LRSAM1: variants seen among roughly 807,000 people sequenced by gnomAD.
The protein encoded by LRSAM1 is leucine rich repeat and sterile alpha motif containing 1, also known as E3 ubiquitin-protein ligase LRSAM1.
Under a neutral mutation model 118.1 loss-of-function variants are expected in LRSAM1, and 96 were observed. That is an observed-to-expected ratio of 0.81 (90% CI 0.69 to 0.96). The LOEUF (loss-of-function observed/expected upper bound fraction) is 0.96, where lower values mean the gene tolerates loss of function less well. Among genes scored for constraint, LRSAM1 ranks in the 40% least tolerant of loss-of-function variants. The pLI is 0.00. For synonymous variants in LRSAM1, 322 were observed against 364.2 expected, an observed-to-expected ratio of 0.88 and a Z score of 1.32; for missense variants, 804 against 915.5, an observed-to-expected ratio of 0.88 and a Z score of 1.57.
intron 2 of LRSAM1, 85 bp from the exon 3 acceptor site, chr9:127,454,411 A>G (rs1217079665): frequency 2.0e-5 from 20 of 990,294 alleles, no homozygotes; most frequent in South Asian, 2.7e-5. Flanking sequence ...GACCAGCTGC[A>G]TGCTCTGTGT....
chr9:127,454,666 C>T (rs1834450058), intron 3 of LRSAM1, 67 bp downstream of exon 3: 15 of 1,489,504 alleles, frequency 1.0e-5, no homozygotes, highest in Admixed American at 9.1e-5. Context: ...AGTAGGCCTC[C>T]GCACTGCCCC....
intron 15 of LRSAM1, among the ~76,000 whole-genome samples, chr9:127,482,136 A>G (rs74310357): frequency 0.11 from 15,809 of 142,598 alleles, 1,363 homozygotes; most frequent in Admixed American, 0.28. Context: ...AATTTTTAGT[A>G]TATCTTTTTT....
intron 14 of LRSAM1, 94 bp from the exon 15 acceptor site, chr9:127,481,089 G>A: frequency 1.4e-6 from 2 of 1,389,496 alleles, no homozygotes; most frequent in African/African-American, 1.4e-5. Flanking sequence ...GGTGCCCCCA[G>A]CCCATTTCCT....
Position 127,488,498 on chromosome 9 carries a change from C to T in LRSAM1, c.1347+735C>T, listed in dbSNP as rs183591209. Among the ~76,000 whole-genome samples, 242 of 152,052 alleles carry T rather than the reference C, an allele frequency of 1.6e-3. 5 individuals carry two copies. The East Asian group carries it at 0.045, about 28-fold the overall frequency. Reference sequence around the variant, plus strand: ...GCTGGTCTCGAACTCCTGACCTCAGCTGATCCACCCACCTCGGCCTCCCAA... The same window carrying T: ...GCTGGTCTCGAACTCCTGACCTCAGTTGATCCACCCACCTCGGCCTCCCAA... On this transcript the variant is annotated intron_variant, in intron 18 of 25. Transcript: ENST00000300417.
At chr9:127,492,431 G>C (rs970361891) in intron 20 of LRSAM1, among the ~76,000 whole-genome samples, 1 of 152,232 alleles carries the variant, frequency 6.6e-6, no homozygotes, top group Non-Finnish European at 1.5e-5. Flanking sequence ...CCAGGCTCTG[G>C]TTTGCACGCA....
chr9:127,489,076 G>A (rs369183416), intron 18 of LRSAM1, among the ~76,000 whole-genome samples: 81 of 152,280 alleles, frequency 5.3e-4, no homozygotes, highest in African/African-American at 1.9e-3. Flanking sequence ...TTTCTCAGAG[G>A]AGGCATCTGC....
Position 127,491,282 on chromosome 9 carries a change from C to T in LRSAM1, c.1490C>T (p.Thr497Ile). ...GAGTTAAAGAGGAAGTCCCTGGACA[C>T]AGAGTCACTCCAGGTATGTAGGGCT... ...QLELKRKSLD[T>I]ESLQEMISEQ... Residue 497 changes from threonine to isoleucine, a missense_variant, in exon 20 of 26, where the codon ACA becomes ATA. Transcript: ENST00000300417. 1 of 1,613,496 alleles carries T rather than the reference C, an allele frequency of 6.2e-7. No individual in the cohort carries two copies. The highest frequency in any genetic ancestry group is 8.5e-7 in the Non-Finnish European group (1 of 1,179,702).
rs1834324050 is a variant in LRSAM1 at position 127,451,588 on chromosome 9, G to A, written c.-270G>A. The A allele has an allele frequency of 3.7e-6, 2 of 543,570 alleles. No homozygotes were observed. The highest frequency in any genetic ancestry group is 3.0e-5 in the East Asian group (1 of 33,700). 33.7% of individuals were successfully genotyped at this position (543,570 alleles called of 1,614,324 possible). On this transcript the variant is annotated 5_prime_UTR_variant, in exon 1 of 26. Transcript: ENST00000300417. ...CTGAAGCTAGAGATTCCGAAAGGGGGTTCGGGTAGTTCGCTCCGGAGAAGT... is the reference window on the plus strand; with the variant it reads ...CTGAAGCTAGAGATTCCGAAAGGGGATTCGGGTAGTTCGCTCCGGAGAAGT...
intron 10 of LRSAM1, among the ~76,000 whole-genome samples, chr9:127,468,758 G>C (rs947794283): frequency 7.2e-6 from 1 of 138,456 alleles, no homozygotes; most frequent in Admixed American, 7.7e-5. Flanking sequence ...GGAGGATCTC[G>C]AGCCCAGGAG....
chr9:127,496,160 G>A, intron 23 of LRSAM1, 65 bp downstream of exon 23: 1 of 1,593,072 alleles, frequency 6.3e-7, no homozygotes, highest in Middle Eastern at 1.8e-4. Context: ...CCAGCCGGGG[G>A]TTGATCTGCT....
chr9:127,491,088 A>G, intron 19 of LRSAM1, 127 bp from the exon 20 acceptor site: 2 of 803,628 alleles, frequency 2.5e-6, no homozygotes, highest in Non-Finnish European at 4.4e-6. Context: ...GGTTCCCCTC[A>G]TTCCAGAGCC....
chr9:127,489,602 G>A, intron 19 of LRSAM1, 84 bp downstream of exon 19: 1 of 1,459,416 alleles, frequency 6.9e-7, no homozygotes, highest in East Asian at 2.4e-5. Flanking sequence ...CGCAGCAGTT[G>A]AGGTTTGAAC....
At chr9:127,455,176 T>G in intron 4 of LRSAM1, 122 bp downstream of exon 4, 1 of 1,001,498 alleles carries the variant, frequency 1.0e-6, no homozygotes, top group South Asian at 1.3e-5. Context: ...AGTCACGAGA[T>G]GTTTCCTTAG....
At chr9:127,485,678 C>T in intron 16 of LRSAM1, 58 bp from the exon 17 acceptor site, 1 of 1,539,930 alleles carries the variant, frequency 6.5e-7, no homozygotes, top group Non-Finnish European at 9.0e-7. Context: ...TGCCTCCCTG[C>T]CCAGGTGCCC....
intron 14 of LRSAM1, 86 bp downstream of exon 14, chr9:127,480,064 C>T (rs1488140804): frequency 1.9e-6 from 3 of 1,575,772 alleles, no homozygotes; most frequent in Non-Finnish European, 1.7e-6. Flanking sequence ...TTCTCCCTCA[C>T]TGCCTCTGCC....
chr9:127,497,339 A>C lies in LRSAM1; in HGVS notation c.1912+5A>C, dbSNP rs2248822. ...ATGCAGCCAGGATCCAGCCAGGTAC[A>C]AGCACAGCTCCAGCCTCTTCCAGGC... On this transcript the variant is annotated splice_donor_5th_base_variant and intron_variant, in intron 24 of 25. Coordinates refer to ENST00000300417, the MANE Select transcript of LRSAM1 (RefSeq NM_001005373.4). 1,242,338 of 1,610,268 alleles carry C rather than the reference A, an allele frequency of 0.77. 481,161 individuals carry two copies. Among genetic ancestry groups the C allele is most frequent in the Admixed American group, 0.83 (49,759 of 60,004 alleles).
At position 127,495,988 on chromosome 9, in the gene LRSAM1, G is replaced by C. The variant is rs772648927; in HGVS notation, c.1723G>C (p.Val575Leu). 1.2e-6 allele frequency: 2 copies of C among 1,612,972 alleles called. No homozygotes were observed. Among genetic ancestry groups the C allele is most frequent in the Non-Finnish European group, 1.7e-6 (2 of 1,179,986 alleles). ...GGAAGAGGGGATGGAGCGCCAGCTG[G>C]TGGCCCTCCTGGAGGAGCTGTCGGC... ...LQEEGMERQL[V>L]ALLEELSAEH... The change falls in exon 23 of 26, where the codon GTG becomes CTG. Residue 575 changes from valine (V) to leucine (L), a missense_variant. Transcript: ENST00000300417.
intron 10 of LRSAM1, among the ~76,000 whole-genome samples, chr9:127,472,313 A>ATG (rs112788447): frequency 2.0e-5 from 3 of 148,710 alleles, no homozygotes; most frequent in Admixed American, 6.6e-5. Context: ...ATATATATAT[A>ATG]TGTGTGTGTA....
intron 10 of LRSAM1, among the ~76,000 whole-genome samples, chr9:127,469,896 A>C (rs1451309582): frequency 6.6e-6 from 1 of 151,672 alleles, no homozygotes; most frequent in Non-Finnish European, 1.5e-5. Context: ...ACCCGGGAGG[A>C]GGAGCTTGCA....
Sources: gnomAD v4.1 joint callset for allele counts (sites outside exome capture counted in the v4.1 genomes callset) on GRCh38, gnomAD v4.1.1 for gene constraint, MANE v1.5 for transcripts, NCBI Gene and HGNC (gene_info 2026-07-23, HGNC 2026-07-21) for gene names.